The following RYR2 variants were observed in gnomAD, a reference collection of about 807,000 sequenced individuals.
RYR2 encodes the protein cardiac muscle ryanodine receptor-calcium release channel.
RYR2 carries 227 observed loss-of-function variants against 601.1 expected under a neutral mutation model. The ratio of observed to expected loss-of-function variants is 0.38; its 90% CI spans 0.34 to 0.42. The LOEUF (loss-of-function observed/expected upper bound fraction) is 0.42, where lower values mean the gene tolerates loss of function less well. Among genes scored for constraint, RYR2 ranks in the 10% least tolerant of loss-of-function variants. The pLI, the probability that RYR2 is intolerant of heterozygous loss-of-function variation, is 1.00. For missense variants in RYR2, 4,646 were observed against 6,156.5 expected, an observed-to-expected ratio of 0.75 and a Z score of 8.21; for synonymous variants, 2,223 against 2,175.1, an observed-to-expected ratio of 1.02 and a Z score of -0.61.
rs796412616 is a variant in RYR2 at position 237,684,770 on chromosome 1, C to CATATATAT, written c.9018-2684_9018-2683insTATATATA. Among the ~76,000 whole-genome samples, 228 of 35,958 alleles carry CATATATAT rather than the reference C, an allele frequency of 6.3e-3. 2 individuals carry two copies. The highest frequency in any genetic ancestry group is 0.017 in the African/African-American group (211 of 12,122). 23.6% of individuals were successfully genotyped at this position (35,958 alleles called of 152,430 possible). A position where few individuals can be genotyped will look rare whatever the true frequency, so the allele number is the denominator to read the frequency against. ...ATGACATATTTGGGGATTATCTGAA[C>CATATATAT]ACATATATATATATATATAATGCTT... On this transcript the variant is annotated intron_variant, in intron 62 of 104. Coordinates refer to ENST00000366574, the MANE Select transcript of RYR2 (RefSeq NM_001035.3).
intron 24 of RYR2, among the ~76,000 whole-genome samples, chr1:237,521,822 C>G (rs902521499): frequency 6.6e-6 from 1 of 152,024 alleles, no homozygotes; most frequent in African/African-American, 2.4e-5. Context: ...CAAAGTATCC[C>G]AAAATCTGGG....
At chr1:237,573,984 ACTC>A (rs1672972775) in intron 29 of RYR2, among the ~76,000 whole-genome samples, 1 of 151,828 alleles carries the variant, frequency 6.6e-6, no homozygotes, top group Non-Finnish European at 1.5e-5. Context: ...CATTCCCTCA[ACTC>A]CTCCTCAAAA....
chr1:237,183,927 A>G (rs555852848), intron 1 of RYR2, among the ~76,000 whole-genome samples: 3 of 152,356 alleles, frequency 2.0e-5, no homozygotes, highest in African/African-American at 7.2e-5. Context: ...TTCATATTGC[A>G]TATTAATTTC....
At chr1:237,533,956 C>T (rs1168281391) in intron 25 of RYR2, among the ~76,000 whole-genome samples, 1 of 151,950 alleles carries the variant, frequency 6.6e-6, no homozygotes, top group Middle Eastern at 3.2e-3. Flanking sequence ...AAATAAAAAT[C>T]TGATGACAGA....
rs191657319 is a variant in RYR2, at chr1:237,623,333, C to A, written c.5917-432C>A. On this transcript the variant is annotated intron_variant, in intron 38 of 104. Transcript: ENST00000366574. The stretch of plus-strand genomic sequence containing the variant: ...CAATCAGAGATTTTGAGCATTTTTG[C>A]TTTTGTGGTAGTTGTGCCTTTCTTT... Among the ~76,000 whole-genome samples, 379 of 97,392 alleles carry A rather than the reference C, an allele frequency of 3.9e-3. 3 individuals carry two copies. Among genetic ancestry groups the A allele is most frequent in the South Asian group, 3.0e-3 (9 of 2,988 alleles). The allele number at this position is 97,392 out of a possible 152,430, so 63.9% of individuals were successfully genotyped here.
At chr1:237,371,383 C>T (rs1293530495) in intron 6 of RYR2, among the ~76,000 whole-genome samples, 1 of 151,020 alleles carries the variant, frequency 6.6e-6, no homozygotes, top group African/African-American at 2.4e-5. Flanking sequence ...TCTTGAGCTC[C>T]CAGGCTGAAA....
At chr1:237,641,517 C>CTTTCTTTCTTTCTTTCTT (rs1468789311) in intron 47 of RYR2, among the ~76,000 whole-genome samples, 2 of 123,698 alleles carry the variant, frequency 1.6e-5, no homozygotes, top group African/African-American at 2.8e-5. Flanking sequence ...TTCTTTCTTT[C>CTTTCTTTCTTTCTTTCTT]TTTCTTTCTT....
At chr1:237,315,616 T>C (rs924251385) in intron 2 of RYR2, among the ~76,000 whole-genome samples, 6 of 152,084 alleles carry the variant, frequency 3.9e-5, no homozygotes, top group Admixed American at 6.6e-5. Flanking sequence ...AAATCCATAG[T>C]GAATAGGTCC....
chr1:237,151,144 A>T (rs1674666172), intron 1 of RYR2, among the ~76,000 whole-genome samples: 2 of 152,206 alleles, frequency 1.3e-5, no homozygotes, highest in South Asian at 4.1e-4. Context: ...ATTTTGCATT[A>T]GGAGTATACT....
At chr1:237,745,528 G>C (rs1189706649) in intron 80 of RYR2, among the ~76,000 whole-genome samples, 1 of 152,196 alleles carries the variant, frequency 6.6e-6, no homozygotes, top group African/African-American at 2.4e-5. Flanking sequence ...TACCTTGAAA[G>C]AGGAATGCAG....
chr1:237,454,669 G>A (rs1250140525), intron 15 of RYR2, 95 bp downstream of exon 15: 6 of 1,291,786 alleles, frequency 4.6e-6, no homozygotes, highest in Non-Finnish European at 6.5e-6. Flanking sequence ...GACCATCTTT[G>A]CGTTTTGCAA....
chr1:237,232,283 G>C (rs942166728), intron 1 of RYR2, among the ~76,000 whole-genome samples: 2 of 152,162 alleles, frequency 1.3e-5, no homozygotes, highest in Non-Finnish European at 2.9e-5. Context: ...CCCGGGGAGG[G>C]GGAGAGGGTC....
intron 3 of RYR2, among the ~76,000 whole-genome samples, chr1:237,336,915 T>TA (rs532662951): frequency 1.3e-5 from 2 of 150,882 alleles, no homozygotes; most frequent in African/African-American, 4.9e-5. Context: ...ATTCTTTTTA[T>TA]AAAACCCCTA....
intron 1 of RYR2, among the ~76,000 whole-genome samples, chr1:237,077,717 C>T (rs1292346897): frequency 1.8e-3 from 280 of 151,834 alleles, no homozygotes; most frequent in African/African-American, 6.4e-3. Flanking sequence ...GACAGATCAA[C>T]GAGACAGAAA....
intron 24 of RYR2, 21 bp from the exon 25 acceptor site, chr1:237,530,406 A>C: frequency 6.4e-7 from 1 of 1,567,598 alleles, no homozygotes; most frequent in South Asian, 1.2e-5. Flanking sequence ...GATCACACTT[A>C]TCTCTGGTTT....
At position 237,700,432 on chromosome 1, in the gene RYR2, A is replaced by G; in HGVS notation, c.9332A>G (p.His3111Arg). ...CCAATGCTGTCTTCATTATTTGAAC[A>G]TATTGGCCAGCATCAGTTCGGAGAA... is the stretch of plus-strand genomic sequence containing the variant. ...LLPMLSSLFEHIGQHQFGEDL... is the reference protein window; with the variant it reads ...LLPMLSSLFERIGQHQFGEDL... Residue 3111 changes from histidine to arginine, a missense_variant, in exon 65 of 105, where the codon CAT becomes CGT. By Grantham distance (29) the His-to-Arg change is conservative (BLOSUM62 0). Coordinates refer to ENST00000366574, the MANE Select transcript of RYR2 (RefSeq NM_001035.3). 3 of 1,603,184 alleles carry G rather than the reference A, an allele frequency of 1.9e-6. No homozygotes were observed. The highest frequency in any genetic ancestry group is 2.6e-6 in the Non-Finnish European group (3 of 1,171,956).
chr1:237,455,473 C>T (rs776146266), intron 15 of RYR2, among the ~76,000 whole-genome samples: 1 of 152,060 alleles, frequency 6.6e-6, no homozygotes, highest in Non-Finnish European at 1.5e-5. Flanking sequence ...AGGTATTCTG[C>T]TCACTATCTG....
intron 8 of RYR2, among the ~76,000 whole-genome samples, chr1:237,378,870 C>T (rs1371603252): frequency 6.6e-6 from 1 of 152,156 alleles, no homozygotes; most frequent in Non-Finnish European, 1.5e-5. Context: ...AACAGTGTCT[C>T]GTGTAACTGA....
chr1:237,349,291 A>T (rs1044033543), intron 3 of RYR2, among the ~76,000 whole-genome samples: 2 of 152,228 alleles, frequency 1.3e-5, no homozygotes, highest in Non-Finnish European at 2.9e-5. Context: ...AGACAAAGGC[A>T]TGATATCTTT....
Sources: allele counts gnomAD v4.1 joint callset (sites outside exome capture counted in the v4.1 genomes callset), GRCh38; gene constraint gnomAD v4.1.1; transcripts MANE v1.5; gene names NCBI Gene and HGNC (gene_info 2026-07-23, HGNC 2026-07-21).